The following HMCN2 variants were observed in gnomAD, a reference collection of about 807,000 sequenced individuals.
The protein encoded by HMCN2 is hemicentin-2.
In HMCN2, 325 loss-of-function variants were observed where a neutral mutation model predicts 377.5. That is an observed-to-expected ratio of 0.86 (90% CI 0.79 to 0.94). HMCN2 has a LOEUF of 0.94. Ranked by LOEUF, HMCN2 falls within the 40% of genes least tolerant of loss-of-function variation. HMCN2 has a pLI of 0.00. For missense variants in HMCN2, 4,543 were observed against 4,725.3 expected (o/e 0.96, Z 1.13); for synonymous variants, 2,007 against 2,046.8 (o/e 0.98, Z 0.53).
At position 130,376,807 on chromosome 9, in the gene HMCN2, T is replaced by A. The variant is rs189626974; in HGVS notation, c.8061+149T>A. 9.5e-3 allele frequency: 2,613 copies of A among 274,006 alleles called. 26 individuals carry two copies. Among genetic ancestry groups the A allele is most frequent in the Non-Finnish European group, 0.012 (2,269 of 182,856 alleles). 17.0% of individuals were successfully genotyped at this position (274,006 alleles called of 1,614,324 possible). A position where few individuals can be genotyped will look rare whatever the true frequency, so the allele number is the denominator to read the frequency against. ...TCACCCTTTATTTATTTTATTTTTA[T>A]TTTTTTTGAGATGGAGTGTTGCTCT... On this transcript the variant is annotated intron_variant, in intron 52 of 97. Transcript: ENST00000683500.
At chr9:130,334,977 CA>C (rs1416801533) in intron 22 of HMCN2, among the ~76,000 whole-genome samples, 1 of 152,122 alleles carries the variant, frequency 6.6e-6, no homozygotes, top group Non-Finnish European at 1.5e-5. Context: ...GCTGGGACCA[CA>C]GGCATGTGCC....
chr9:130,388,672 GCC>G (rs35750041), intron 62 of HMCN2, 132 bp downstream of exon 62: 2,929 of 246,554 alleles, frequency 0.012, 16 homozygotes, highest in African/African-American at 0.026. Context: ...GTGCCGTGTT[GCC>G]CCCCCCCCCA....
chr9:130,354,824 G>A lies in HMCN2; in HGVS notation c.4926G>A (p.Arg1642=), dbSNP rs1839934736. 7.7e-7 allele frequency: 1 copy of A among 1,304,106 alleles called. No homozygotes were observed. Among genetic ancestry groups the A allele is most frequent in the Admixed American group, 2.3e-5 (1 of 43,544 alleles). The allele number at this position is 1,304,106 out of a possible 1,614,324, so 80.8% of individuals were successfully genotyped here. Residue 1642 remains arginine (R), a synonymous_variant, in exon 32 of 98, where the codon AGG becomes AGA. Transcript: ENST00000683500. ...ACGTGGTGAAGGCTGTGGCTGGGAG[G>A]CCTGTGGCGCTGGAGTGCGTGGCCA... ...RPYVVKAVAG[R]PVALECVARG...
Position 130,433,918 on chromosome 9 carries a change from C to G in HMCN2, c.*225C>G. 1 of 462,440 alleles carries G rather than the reference C, an allele frequency of 2.2e-6. No homozygotes were observed. The highest frequency in any genetic ancestry group is 3.8e-6 in the Non-Finnish European group (1 of 266,274). 28.6% of individuals were successfully genotyped at this position (462,440 alleles called of 1,614,324 possible). A position where few individuals can be genotyped will look rare whatever the true frequency, so the allele number is the denominator to read the frequency against. On this transcript the variant is annotated 3_prime_UTR_variant, in exon 98 of 98. Coordinates refer to ENST00000683500, the MANE Select transcript of HMCN2 (RefSeq NM_001291815.2). ...CCAGGGCGGCCCTTGGGTGGCCAGTCCCGCAGGCAGGGCCCGGGGAAGCCC... is the reference window on the plus strand; with the variant it reads ...CCAGGGCGGCCCTTGGGTGGCCAGTGCCGCAGGCAGGGCCCGGGGAAGCCC...
chr9:130,385,693 G>T lies in HMCN2; in HGVS notation c.9240G>T (p.Gln3080His). The T allele has an allele frequency of 7.7e-7, 1 of 1,304,238 alleles. No homozygotes were observed. Among genetic ancestry groups the T allele is most frequent in the African/African-American group, 1.5e-5 (1 of 65,974 alleles). The allele number at this position is 1,304,238 out of a possible 1,614,324, so 80.8% of individuals were successfully genotyped here. A position where few individuals can be genotyped will look rare whatever the true frequency, so the allele number is the denominator to read the frequency against. ...EPTVTWYKDG[Q>H]PLVLAQRTQA... The stretch of plus-strand genomic sequence containing the variant: ...CTGTGACCTGGTACAAGGATGGGCA[G>T]CCCCTGGTCCTGGCACAGCGGACCC... Residue 3080 changes from glutamine (Q) to histidine (H), a missense_variant, in exon 60 of 98, where the codon CAG (glutamine) becomes CAT (histidine). By Grantham distance (24) the Gln-to-His change is conservative. Coordinates refer to ENST00000683500, the MANE Select transcript of HMCN2 (RefSeq NM_001291815.2).
rs782709367 is a variant in HMCN2, at chr9:130,303,678, C to T, written c.1543+70C>T. 15 of 206,096 alleles carry T rather than the reference C, an allele frequency of 7.3e-5. No homozygotes were observed. The highest frequency in any genetic ancestry group is 1.4e-4 in the Non-Finnish European group (12 of 88,234). 12.8% of individuals were successfully genotyped at this position (206,096 alleles called of 1,614,324 possible). A position where few individuals can be genotyped will look rare whatever the true frequency, so the allele number is the denominator to read the frequency against. The stretch of plus-strand genomic sequence containing the variant: ...TCTTGGGTTCTTACCCCTAGGATTT[C>T]CTCCAGGCGAGTCTCCAGCCAGCTG... On this transcript the variant is annotated intron_variant, in intron 10 of 97. Transcript: ENST00000683500. The surrounding 1 kb of genome is among the most constrained non-coding windows in gnomAD (Gnocchi z 5.2).
In HMCN2 at chr9:130,405,658, C is replaced by T. The variant is rs185672057; in HGVS notation, c.12340-297C>T. Among the ~76,000 whole-genome samples, 432 of 152,370 alleles carry T rather than the reference C, an allele frequency of 2.8e-3. 3 individuals carry two copies. Among genetic ancestry groups the T allele is most frequent in the African/African-American group, 9.4e-3 (393 of 41,590 alleles). ...CTCTATCAGGGCACCAAAAGCAAGG[C>T]CTGCAGTGCAGGTCAAGTTCTGAGG... On this transcript the variant is annotated intron_variant, in intron 81 of 97. Coordinates refer to ENST00000683500, the MANE Select transcript of HMCN2 (RefSeq NM_001291815.2).
At position 130,304,743 on chromosome 9, in the gene HMCN2, G is replaced by C. The variant is rs1554935924; in HGVS notation, c.1557G>C (p.Gln519His). The C allele has an allele frequency of 4.3e-6, 2 of 465,164 alleles. No individual in the cohort carries two copies. Among genetic ancestry groups the C allele is most frequent in the Non-Finnish European group, 9.0e-6 (2 of 222,352 alleles). 28.8% of individuals were successfully genotyped at this position (465,164 alleles called of 1,614,324 possible). Reference sequence around the variant, plus strand: ...ATGTCCCTGCAGACCCCCCGCCGCAGCTGGTCCCTGCTCCCAACGTGACCG... The same window carrying C: ...ATGTCCCTGCAGACCCCCCGCCGCACCTGGTCCCTGCTCCCAACGTGACCG... ...AQIVVTDPPPQLVPAPNVTVS... is the reference protein window; with the variant it reads ...AQIVVTDPPPHLVPAPNVTVS... The change falls in exon 11 of 98, where the codon CAG becomes CAC. Residue 519 changes from glutamine to histidine, a missense_variant. Coordinates refer to ENST00000683500, the MANE Select transcript of HMCN2 (RefSeq NM_001291815.2). This position sits in a 1 kb window ranked among gnomAD's most constrained non-coding sequence, Gnocchi z 4.3.
rs1287160358 is a variant in HMCN2, at chr9:130,315,920, A to G, written c.2351-3575A>G. 2.6e-5 allele frequency among the ~76,000 whole-genome samples: 4 copies of G among 152,256 alleles called. No homozygotes were observed. The South Asian group carries it at 8.3e-4, about 32-fold the overall frequency. ...CACTCTCATGACTTACCCAACCTCC[A>G]TCACCTCTCAGAAGCCCCATCTCCA... On this transcript the variant is annotated intron_variant, in intron 15 of 97. Coordinates refer to ENST00000683500, the MANE Select transcript of HMCN2 (RefSeq NM_001291815.2).
Position 130,308,190 on chromosome 9 carries a change from C to A in HMCN2, c.2200+624C>A, listed in dbSNP as rs1836996166. 6.6e-6 allele frequency among the ~76,000 whole-genome samples: 1 copy of A among 152,196 alleles called. No individual in the cohort carries two copies. Among genetic ancestry groups the A allele is most frequent in the African/African-American group, 2.4e-5 (1 of 41,454 alleles). On this transcript the variant is annotated intron_variant, in intron 14 of 97. Coordinates refer to ENST00000683500, the MANE Select transcript of HMCN2 (RefSeq NM_001291815.2). This position sits in a 1 kb window ranked among gnomAD's most constrained non-coding sequence, Gnocchi z 4.1. ...CAGGCTAGTCTGGAACTCCTGACCT[C>A]AGGTGACCCACTCGCCTCGGCTTCC...
At chr9:130,366,891 CCTTAGGTGATAAAT>C (rs1187912886) in intron 43 of HMCN2, among the ~76,000 whole-genome samples, 1 of 152,020 alleles carries the variant, frequency 6.6e-6, no homozygotes, top group African/African-American at 2.4e-5. Flanking sequence ...TGACTCTGTA[CCTTAGGTGATAAAT>C]GCTATGGAGA....
Position 130,382,316 on chromosome 9 carries a change from A to G in HMCN2, c.8545+19A>G. On this transcript the variant is annotated intron_variant, in intron 55 of 97. Coordinates refer to ENST00000683500, the MANE Select transcript of HMCN2 (RefSeq NM_001291815.2). ...GTGCTGAGTGAGTGGCGGGGCCTGCAGGTGGGGATTCCCGGGACTGCAAGC... is the reference window on the plus strand; with the variant it reads ...GTGCTGAGTGAGTGGCGGGGCCTGCGGGTGGGGATTCCCGGGACTGCAAGC... 1.0e-6 allele frequency: 1 copy of G among 976,948 alleles called. No individual in the cohort carries two copies. Among genetic ancestry groups the G allele is most frequent in the Non-Finnish European group, 1.2e-6 (1 of 821,808 alleles). 60.5% of individuals were successfully genotyped at this position (976,948 alleles called of 1,614,324 possible).
Position 130,416,974 on chromosome 9 carries a change from G to A in HMCN2, c.12962-1798G>A, listed in dbSNP as rs561400991. On this transcript the variant is annotated intron_variant, in intron 85 of 97. Transcript: ENST00000683500. ...GTTGCCCAGGCTGGAGTGCAGTGGCGCAATCTCGGCTACTGTAACCTCTGC... is the reference window on the plus strand; with the variant it reads ...GTTGCCCAGGCTGGAGTGCAGTGGCACAATCTCGGCTACTGTAACCTCTGC... 3.7e-3 allele frequency among the ~76,000 whole-genome samples: 560 copies of A among 151,822 alleles called. 5 individuals carry two copies. The highest frequency in any genetic ancestry group is 3.0e-3 in the Non-Finnish European group (202 of 67,920).
chr9:130,422,639 GC>G lies in HMCN2; in HGVS notation c.13296del (p.Thr4433HisfsTer6). ...GVINGRKFGVATLNTSVMQEA... is the reference protein window; with the variant it reads ...GVINGRKFGVXTLNTSVMQEA... ...GATAAATGGCCGGAAATTTGGCGTG[GC>G]CACACTCAACACCAGCGTGATGCAG... On this transcript the variant is annotated frameshift_variant, in exon 87 of 98. Coordinates refer to ENST00000683500, the MANE Select transcript of HMCN2 (RefSeq NM_001291815.2). LOFTEE classifies it high-confidence loss of function. This position sits in a 1 kb window ranked among gnomAD's most constrained non-coding sequence, Gnocchi z 4.2. 1 of 1,329,648 alleles carries G rather than the reference GC, an allele frequency of 7.5e-7. No homozygotes were observed. The highest frequency in any genetic ancestry group is 9.7e-7 in the Non-Finnish European group (1 of 1,033,188). 82.4% of individuals were successfully genotyped at this position (1,329,648 alleles called of 1,614,324 possible).
At chr9:130,269,259 C>T (rs1823854018) in intron 1 of HMCN2, among the ~76,000 whole-genome samples, 1 of 113,320 alleles carries the variant, frequency 8.8e-6, no homozygotes, top group African/African-American at 3.2e-5. Flanking sequence ...CAAAAGAGCC[C>T]TGGTTCCTTT....
At chr9:130,390,831 A>G (rs1015933552) in intron 62 of HMCN2, 146 bp from the exon 63 acceptor site, 36 of 428,978 alleles carry the variant, frequency 8.4e-5, no homozygotes, top group Non-Finnish European at 1.1e-4. Flanking sequence ...TCTCAAGTGG[A>G]AGGAAATGAG....
chr9:130,404,529 TG>T (rs1230841290), intron 80 of HMCN2, among the ~76,000 whole-genome samples: 1 of 152,252 alleles, frequency 6.6e-6, no homozygotes, highest in Non-Finnish European at 1.5e-5. Context: ...GCCCTGCTTT[TG>T]TTCCTGGAGG....
At chr9:130,376,175 A>G (rs7022412) in intron 51 of HMCN2, among the ~76,000 whole-genome samples, 186 bp downstream of exon 51, 1 of 151,936 alleles carries the variant, frequency 6.6e-6, no homozygotes, top group African/African-American at 2.4e-5. Flanking sequence ...GAGTTAGGGC[A>G]TGTGCCACTT....
intron 43 of HMCN2, 80 bp from the exon 44 acceptor site, chr9:130,368,196 G>T: frequency 1.1e-6 from 1 of 879,418 alleles, no homozygotes; most frequent in Non-Finnish European, 1.4e-6. Context: ...GAATGGGTAG[G>T]AGGACAAACT....
Sources: allele counts gnomAD v4.1 joint callset (sites outside exome capture counted in the v4.1 genomes callset), GRCh38; gene constraint gnomAD v4.1.1; non-coding constraint Gnocchi (gnomAD v3.1); transcripts MANE v1.5; gene names NCBI Gene and HGNC (gene_info 2026-07-23, HGNC 2026-07-21).